IGF2BP3: variants seen among roughly 807,000 people sequenced by gnomAD.
IGF2BP3 encodes insulin like growth factor 2 mRNA binding protein 3, also known as insulin-like growth factor 2 mRNA-binding protein 3.
IGF2BP3 carries 9 observed loss-of-function variants against 73.8 expected under a neutral mutation model. The observed-to-expected ratio is 0.12, with a 90% CI of 0.07 to 0.21. The LOEUF (loss-of-function observed/expected upper bound fraction) is 0.21. IGF2BP3 is among the 10% of genes least tolerant of loss of function. IGF2BP3 has a pLI of 1.00. For missense variants in IGF2BP3, 542 were observed against 714.0 expected (o/e 0.76, Z 2.75); for synonymous variants, 258 against 256.7 (o/e 1.01, Z -0.05).
chr7:23,419,832 GAC>G (rs1227345671), intron 2 of IGF2BP3, among the ~76,000 whole-genome samples: 1 of 152,086 alleles, frequency 6.6e-6, no homozygotes, highest in Non-Finnish European at 1.5e-5. Context: ...CAGCCTGGGC[GAC>G]AGAGCGAGAC....
At chr7:23,336,746 G>C (rs1055334790) in intron 10 of IGF2BP3, among the ~76,000 whole-genome samples, 1 of 152,092 alleles carries the variant, frequency 6.6e-6, no homozygotes, top group Non-Finnish European at 1.5e-5. Flanking sequence ...TCAGGAATTC[G>C]AGACCAGCCT....
intron 5 of IGF2BP3, 49 bp from the exon 6 acceptor site, chr7:23,351,635 A>G: frequency 6.3e-7 from 1 of 1,595,714 alleles, no homozygotes; most frequent in Non-Finnish European, 8.6e-7. Context: ...AGGCTATATG[A>G]CACATCTTTT....
chr7:23,407,223 T>C (rs1786862913), intron 3 of IGF2BP3, among the ~76,000 whole-genome samples: 1 of 146,460 alleles, frequency 6.8e-6, no homozygotes, highest in South Asian at 2.2e-4. Context: ...TTGGATGAAA[T>C]TGACCAATTC....
At chr7:23,385,950 T>C (rs2128519166) in intron 3 of IGF2BP3, among the ~76,000 whole-genome samples, 1 of 152,332 alleles carries the variant, frequency 6.6e-6, no homozygotes, top group South Asian at 2.1e-4. Context: ...TGAGAATTTT[T>C]TATATGTGAT....
At chr7:23,427,777 G>A (rs994731201) in intron 2 of IGF2BP3, among the ~76,000 whole-genome samples, 8 of 152,258 alleles carry the variant, frequency 5.3e-5, no homozygotes, top group Middle Eastern at 3.4e-3. Flanking sequence ...GGAGGCTGAG[G>A]AGGGTGGCTC....
At chr7:23,317,987 T>C (rs1393734014) in intron 11 of IGF2BP3, among the ~76,000 whole-genome samples, 1 of 152,138 alleles carries the variant, frequency 6.6e-6, no homozygotes, top group Non-Finnish European at 1.5e-5. Context: ...TAGTATTACC[T>C]CCACTTCACA....
At chr7:23,322,394 A>G (rs532132585) in intron 10 of IGF2BP3, among the ~76,000 whole-genome samples, 2 of 152,328 alleles carry the variant, frequency 1.3e-5, no homozygotes, top group South Asian at 4.1e-4. Flanking sequence ...AGAAACGAGC[A>G]AAGCCTCCAA....
intron 3 of IGF2BP3, among the ~76,000 whole-genome samples, chr7:23,367,285 G>C (rs1006509703): frequency 4.6e-5 from 7 of 151,924 alleles, no homozygotes; most frequent in African/African-American, 1.7e-4. Context: ...GCCGCATTTT[G>C]CTTAATTCTG....
At chr7:23,418,323 T>C (rs896273765) in intron 3 of IGF2BP3, among the ~76,000 whole-genome samples, 8 of 152,232 alleles carry the variant, frequency 5.3e-5, no homozygotes, top group African/African-American at 1.9e-4. Context: ...TTGTGCTAAA[T>C]AGTTTGTGTT....
intron 10 of IGF2BP3, among the ~76,000 whole-genome samples, chr7:23,322,987 T>C (rs1021615773): frequency 2.0e-5 from 3 of 151,964 alleles, no homozygotes; most frequent in Admixed American, 6.6e-5. Context: ...GTAAAGACCA[T>C]CAAGACTAGG....
At position 23,351,594 on chromosome 7, in the gene IGF2BP3, T is replaced by G; in HGVS notation, c.402-8A>C. The G allele has an allele frequency of 1.2e-6, 2 of 1,613,860 alleles. No homozygotes were observed. Among genetic ancestry groups the G allele is most frequent in the South Asian group, 1.1e-5 (1 of 91,024 alleles). On this transcript the variant is annotated splice_region_variant and splice_polypyrimidine_tract_variant and intron_variant, in intron 5 of 14. Transcript: ENST00000258729. ...TTCAGTTTGTCTAGTGCTCTGAAAG[T>G]TGAAAAGGGGCAGGGGTGGGAAAAG...
chr7:23,395,919 C>T (rs1332201751), intron 3 of IGF2BP3, among the ~76,000 whole-genome samples: 1 of 151,706 alleles, frequency 6.6e-6, no homozygotes, highest in African/African-American at 2.4e-5. Context: ...GAGCGAGACT[C>T]CATCTCAAAA....
intron 10 of IGF2BP3, among the ~76,000 whole-genome samples, chr7:23,325,698 C>T (rs944608570): frequency 6.6e-6 from 1 of 152,202 alleles, no homozygotes; most frequent in African/African-American, 2.4e-5. Context: ...GTAACCAAAA[C>T]AGCATGGGAC....
At chr7:23,333,622 AG>A (rs1784495523) in intron 10 of IGF2BP3, among the ~76,000 whole-genome samples, 1 of 152,256 alleles carries the variant, frequency 6.6e-6, no homozygotes, top group African/African-American at 2.4e-5. Flanking sequence ...AAAATGTAAC[AG>A]AAAAAAAGGG....
At chr7:23,421,694 A>T (rs1787353523) in intron 2 of IGF2BP3, among the ~76,000 whole-genome samples, 1 of 151,332 alleles carries the variant, frequency 6.6e-6, no homozygotes, top group Non-Finnish European at 1.5e-5. Context: ...CCATCTCAAA[A>T]AAAAAAAAAA....
intron 3 of IGF2BP3, among the ~76,000 whole-genome samples, chr7:23,377,639 T>C (rs752218615): frequency 3.9e-5 from 6 of 152,156 alleles, no homozygotes; most frequent in Non-Finnish European, 7.3e-5. Flanking sequence ...GAACTGAAAA[T>C]CTATGTTTAC....
chr7:23,419,814 C>T (rs559841252), intron 2 of IGF2BP3, among the ~76,000 whole-genome samples: 1 of 152,136 alleles, frequency 6.6e-6, no homozygotes. Context: ...GATTGCATCA[C>T]GGCACTGCAG....
chr7:23,469,810 G>A lies in IGF2BP3; in HGVS notation c.175+126C>T. 2.2e-6 allele frequency: 1 copy of A among 454,740 alleles called. No homozygotes were observed. 28.2% of individuals were successfully genotyped at this position (454,740 alleles called of 1,614,324 possible). A position where few individuals can be genotyped will look rare whatever the true frequency, so the allele number is the denominator to read the frequency against. ...CCCGGCCCCCACGCGCGTGGGTGTG[G>A]GCGCTCAGGCCTCACCCCCGCTCCC... On this transcript the variant is annotated intron_variant, in intron 1 of 14. Transcript: ENST00000258729. This position sits in a 1 kb window ranked among gnomAD's most constrained non-coding sequence, Gnocchi z 6.1.
chr7:23,401,238 T>C (rs1179730534), intron 3 of IGF2BP3, among the ~76,000 whole-genome samples: 1 of 152,160 alleles, frequency 6.6e-6, no homozygotes, highest in Non-Finnish European at 1.5e-5. Flanking sequence ...GTAGGACCCC[T>C]TCCCAGCAGT....
Sources: gnomAD v4.1 joint callset for allele counts (sites outside exome capture counted in the v4.1 genomes callset) on GRCh38, gnomAD v4.1.1 for gene constraint, Gnocchi (gnomAD v3.1) non-coding constraint, MANE v1.5 for transcripts, NCBI Gene and HGNC (gene_info 2026-07-23, HGNC 2026-07-21) for gene names.